GPATCH2L: variants seen among roughly 807,000 people sequenced by gnomAD.
The protein encoded by GPATCH2L is G-patch domain containing 2 like, also known as G patch domain-containing protein 2-like.
A neutral mutation model predicts 57.4 loss-of-function variants in GPATCH2L; 31 were observed. The ratio of observed to expected loss-of-function variants is 0.54; its 90% confidence interval spans 0.41 to 0.73. The LOEUF is 0.73. GPATCH2L is among the 30% of genes least tolerant of loss of function. The pLI is 0.00. For missense variants in GPATCH2L, 481 were observed against 599.9 expected, an observed-to-expected ratio of 0.80 and a Z score of 2.07; for synonymous variants, 199 against 210.7, an observed-to-expected ratio of 0.94 and a Z score of 0.48.
At chr14:76,184,719 A>C (rs919177481) in intron 8 of GPATCH2L, among the ~76,000 whole-genome samples, 5 of 152,224 alleles carry the variant, frequency 3.3e-5, no homozygotes, top group African/African-American at 1.2e-4. Context: ...AGCACTCTGG[A>C]AATAGTTAAC....
chr14:76,186,587 G>A (rs2039776054), intron 8 of GPATCH2L, among the ~76,000 whole-genome samples: 1 of 152,204 alleles, frequency 6.6e-6, no homozygotes, highest in Non-Finnish European at 1.5e-5. Flanking sequence ...AGCCACATGT[G>A]TGAAGCAGTT....
At chr14:76,162,371 GGGAGAGTCA>G (rs2038631460) in intron 2 of GPATCH2L, among the ~76,000 whole-genome samples, 1 of 152,148 alleles carries the variant, frequency 6.6e-6, no homozygotes, top group African/African-American at 2.4e-5. Context: ...GAGAGGGGTG[GGGAGAGTCA>G]GAAAGAGGGC....
chr14:76,233,613 A>C (rs112644749), intron 2 of GPATCH2L, among the ~76,000 whole-genome samples: 78 of 152,298 alleles, frequency 5.1e-4, no homozygotes, highest in African/African-American at 1.7e-3. Flanking sequence ...TTTTGAAGAA[A>C]ATCTCCTGGA....
intron 2 of GPATCH2L, among the ~76,000 whole-genome samples, chr14:76,232,300 C>G (rs1595016355): frequency 6.6e-6 from 1 of 152,090 alleles, no homozygotes; most frequent in East Asian, 1.9e-4. Context: ...ACAGTTGTTC[C>G]CAGGCTTTTT....
In GPATCH2L at chr14:76,154,139, G is replaced by C; in HGVS notation, c.-10-215G>C. 1 of 457,582 alleles carries C rather than the reference G, an allele frequency of 2.2e-6. No homozygotes were observed. The highest frequency in any genetic ancestry group is 3.9e-6 in the Non-Finnish European group (1 of 258,830). The allele number at this position is 457,582 out of a possible 1,614,324, so 28.3% of individuals were successfully genotyped here. ...ATGTTGACTTCAGGCATTTAACAAG[G>C]GACAAAACATCTATTTTTAGTGACT... On this transcript the variant is annotated intron_variant, in intron 1 of 9. Coordinates refer to ENST00000261530, the MANE Select transcript of GPATCH2L (RefSeq NM_017926.4). This position sits in a 1 kb window ranked among gnomAD's most constrained non-coding sequence, Gnocchi z 4.4.
At chr14:76,189,861 T>C (rs1430602317) in intron 8 of GPATCH2L, among the ~76,000 whole-genome samples, 1 of 152,122 alleles carries the variant, frequency 6.6e-6, no homozygotes, top group South Asian at 2.1e-4. Flanking sequence ...TTTTATTGTG[T>C]TGAGGTATGT....
chr14:76,219,737 T>C (rs947753990), intron 1 of GPATCH2L, among the ~76,000 whole-genome samples: 3 of 152,074 alleles, frequency 2.0e-5, no homozygotes, highest in Admixed American at 6.5e-5. Context: ...AGGTTAGGGT[T>C]TTACTGGGGA....
At position 76,210,176 on chromosome 14, in the gene GPATCH2L, G is replaced by A. The variant is rs571311607; in HGVS notation, c.*8325G>A. ...AATAATAATGGCAAATATGTATTTG[G>A]TGGTCTGCCATTTGGAAGCAACATC... On this transcript the variant is annotated 3_prime_UTR_variant, in exon 10 of 10. Transcript: ENST00000261530. The A allele has an allele frequency of 1.3e-5, 2 of 152,288 alleles. No individual in the cohort carries two copies. Among genetic ancestry groups the A allele is most frequent in the South Asian group, 4.2e-4 (2 of 4,818 alleles). 9.4% of individuals were successfully genotyped at this position (152,288 alleles called of 1,614,324 possible).
At chr14:76,184,926 GT>G (rs1233421830) in intron 8 of GPATCH2L, among the ~76,000 whole-genome samples, 58 of 152,204 alleles carry the variant, frequency 3.8e-4, no homozygotes, top group Non-Finnish European at 2.9e-4. Flanking sequence ...AATGCATATG[GT>G]TTTGTGACTG....
In GPATCH2L at chr14:76,159,375, G is replaced by A. The variant is rs147071861; in HGVS notation, c.662+4350G>A. 9.7e-4 allele frequency among the ~76,000 whole-genome samples: 148 copies of A among 152,244 alleles called. No homozygotes were observed. The East Asian group carries it at 0.024, about 25-fold the overall frequency. ...CCTTTTCTCTTATTTCGCAGAATTTGTTCAAAGGCCTCTTGGTATTTGCCA... is the reference window on the plus strand; with the variant it reads ...CCTTTTCTCTTATTTCGCAGAATTTATTCAAAGGCCTCTTGGTATTTGCCA... On this transcript the variant is annotated intron_variant, in intron 2 of 9. Transcript: ENST00000261530.
intron 2 of GPATCH2L, among the ~76,000 whole-genome samples, chr14:76,232,009 T>TAACTG (rs2040570608): frequency 1.3e-5 from 2 of 152,268 alleles, no homozygotes; most frequent in East Asian, 1.9e-4. Flanking sequence ...CACTGCAGGC[T>TAACTG]CAAGCAATCT....
At chr14:76,225,910 G>T (rs964053201) in intron 1 of GPATCH2L, among the ~76,000 whole-genome samples, 1 of 152,090 alleles carries the variant, frequency 6.6e-6, no homozygotes, top group Non-Finnish European at 1.5e-5. Context: ...AACCCAATGC[G>T]ATATTACTAC....
At chr14:76,194,372 T>G (rs1363636678) in intron 8 of GPATCH2L, among the ~76,000 whole-genome samples, 4 of 152,218 alleles carry the variant, frequency 2.6e-5, no homozygotes, top group Non-Finnish European at 5.9e-5. Context: ...AATCTCAGCC[T>G]GTAGCATTCT....
intron 5 of GPATCH2L, 152 bp downstream of exon 5, chr14:76,173,777 T>C: frequency 3.4e-6 from 2 of 591,178 alleles, no homozygotes; most frequent in South Asian, 2.2e-5. Flanking sequence ...GTGAACATTA[T>C]GTAGAATGTG....
At chr14:76,175,629 T>TA (rs2039289338) in intron 5 of GPATCH2L, 1 of 152,192 alleles carries the variant, frequency 6.6e-6, no homozygotes, top group Non-Finnish European at 1.5e-5. Context: ...GGCATAGCTA[T>TA]AAGAAATGCA....
At chr14:76,235,178 A>G (rs935553067) in intron 2 of GPATCH2L, among the ~76,000 whole-genome samples, 1 of 151,886 alleles carries the variant, frequency 6.6e-6, no homozygotes, top group Non-Finnish European at 1.5e-5. Flanking sequence ...CAAAAAAAAA[A>G]AAAAAAGAAA....
chr14:76,185,097 G>A (rs1356921344), intron 8 of GPATCH2L, among the ~76,000 whole-genome samples: 2 of 152,302 alleles, frequency 1.3e-5, no homozygotes, highest in South Asian at 2.1e-4. Context: ...GTATCTGCAC[G>A]GTGCCCAGCA....
intron 1 of GPATCH2L, among the ~76,000 whole-genome samples, chr14:76,227,602 G>A (rs1245325598): frequency 6.6e-6 from 1 of 152,212 alleles, no homozygotes; most frequent in Non-Finnish European, 1.5e-5. Context: ...TGCGTAACAC[G>A]AAATGAATCA....
chr14:76,228,017 A>C (rs973280626), intron 1 of GPATCH2L, among the ~76,000 whole-genome samples: 1 of 152,222 alleles, frequency 6.6e-6, no homozygotes, highest in African/African-American at 2.4e-5. Flanking sequence ...AGCAGTGGAC[A>C]ACCTGGAGCT....
Sources: gnomAD v4.1 joint callset for allele counts (sites outside exome capture counted in the v4.1 genomes callset) on GRCh38, gnomAD v4.1.1 for gene constraint, Gnocchi (gnomAD v3.1) non-coding constraint, MANE v1.5 for transcripts, NCBI Gene and HGNC (gene_info 2026-07-23, HGNC 2026-07-21) for gene names.